The following PXDN variants were observed in gnomAD, a reference collection of about 807,000 sequenced individuals.
The protein encoded by PXDN is peroxidasin homolog.
Under a neutral mutation model 140.3 loss-of-function variants are expected in PXDN, and 77 were observed. That is an observed-to-expected ratio of 0.55 (90% CI 0.46 to 0.66). The LOEUF is 0.66. Ranked by LOEUF, PXDN falls within the 30% of genes least tolerant of loss-of-function variation. The probability of loss-of-function intolerance (pLI) is 0.00; values close to 1 mark genes in which losing one functional copy is unlikely to be tolerated. For missense variants in PXDN, 1,838 were observed against 2,039.5 expected (o/e 0.90, Z 1.90); for synonymous variants, 911 against 857.4 (o/e 1.06, Z -1.09).
At chr2:1,676,840 G>T in intron 8 of PXDN, 87 bp downstream of exon 8, 1 of 1,233,216 alleles carries the variant, frequency 8.1e-7, no homozygotes, top group Non-Finnish European at 1.2e-6. Context: ...GTGGACGTGG[G>T]CCTTGGTGGG....
At chr2:1,693,363 T>C (rs952739340) in intron 1 of PXDN, among the ~76,000 whole-genome samples, 2 of 152,190 alleles carry the variant, frequency 1.3e-5, no homozygotes, top group Non-Finnish European at 2.9e-5. Context: ...ACAGTAATTA[T>C]GGGGAGAAAA....
In PXDN at chr2:1,707,351, AAC is replaced by A. The variant is rs1684641489; in HGVS notation, c.201-14219_201-14218del. ...CATCACCTGCCCCACTAATAATACA[AAC>A]TGAGAGCACGCTGCAGTGCTCACCA... On this transcript the variant is annotated intron_variant, in intron 1 of 22. Transcript: ENST00000252804. Among the ~76,000 whole-genome samples, 13 of 31,630 alleles carry A rather than the reference AAC, an allele frequency of 4.1e-4. 4 individuals are homozygous for A. Among genetic ancestry groups the A allele is most frequent in the Non-Finnish European group, 8.8e-4 (13 of 14,810 alleles). 20.8% of individuals were successfully genotyped at this position (31,630 alleles called of 152,430 possible).
intron 1 of PXDN, among the ~76,000 whole-genome samples, chr2:1,737,870 CAA>C: frequency 6.6e-6 from 1 of 152,088 alleles, no homozygotes. Flanking sequence ...AACTTTAAAA[CAA>C]AGAAAACAAA....
In PXDN at chr2:1,649,222, T is replaced by G; in HGVS notation, c.2558A>C (p.Asn853Thr). The change falls in exon 17 of 23, where the codon AAC becomes ACC. Residue 853 changes from asparagine (N) to threonine (T), a missense_variant. Transcript: ENST00000252804. This position sits in a 1 kb window ranked among gnomAD's most constrained non-coding sequence, Gnocchi z 7.1. ...CATGACAGAGAAGCAGGGGGGGTCG[T>G]TGCTGCACACGTTGCTGCAGTGCTG... The part of the protein sequence containing the change: ...DGQHCSNVCS[N>T]DPPCFSVMIP... 1.2e-6 allele frequency: 2 copies of G among 1,610,980 alleles called. No homozygotes were observed. The highest frequency in any genetic ancestry group is 1.3e-5 in the African/African-American group (1 of 74,792).
chr2:1,649,047 G>C lies in PXDN; in HGVS notation c.2733C>G (p.Asp911Glu), dbSNP rs375325016. The change falls in exon 17 of 23, where the codon GAC (aspartate) becomes GAG (glutamate). Residue 911 changes from aspartate (D) to glutamate (E), a missense_variant. Coordinates refer to ENST00000252804, the MANE Select transcript of PXDN (RefSeq NM_012293.3). This position sits in a 1 kb window ranked among gnomAD's most constrained non-coding sequence, Gnocchi z 7.1. Reference sequence around the variant, plus strand: ...CCGTGCTCCCGTACACGTTGGATGCGTCTATGTAGGAGGTGAGCTGGTTGA... The same window carrying C: ...CCGTGCTCCCGTACACGTTGGATGCCTCTATGTAGGAGGTGAGCTGGTTGA... ...EQINQLTSYI[D>E]ASNVYGSTEH... 1.2e-6 allele frequency: 2 copies of C among 1,612,504 alleles called. No homozygotes were observed. The highest frequency in any genetic ancestry group is 1.7e-6 in the Non-Finnish European group (2 of 1,179,720).
intron 7 of PXDN, among the ~76,000 whole-genome samples, chr2:1,677,386 C>G (rs537428556): frequency 6.6e-6 from 1 of 152,302 alleles, no homozygotes; most frequent in Admixed American, 6.5e-5. Flanking sequence ...CGCCACGGGT[C>G]GCTATTTTCA....
At chr2:1,703,418 A>G (rs565277224) in intron 1 of PXDN, among the ~76,000 whole-genome samples, 14 of 33,404 alleles carry the variant, frequency 4.2e-4, no homozygotes, top group Admixed American at 9.3e-4. Flanking sequence ...CAGGTGAAGG[A>G]GGGACAACTC....
intron 6 of PXDN, among the ~76,000 whole-genome samples, chr2:1,681,918 CAGG>C (rs1450934199): frequency 6.6e-6 from 1 of 152,220 alleles, no homozygotes; most frequent in Non-Finnish European, 1.5e-5. Context: ...GAGGGCTATT[CAGG>C]AGGTCTAGAG....
chr2:1,731,511 G>A (rs1685314585), intron 1 of PXDN, among the ~76,000 whole-genome samples: 1 of 152,206 alleles, frequency 6.6e-6, no homozygotes, highest in African/African-American at 2.4e-5. Context: ...GGCCAGGGAT[G>A]GATGATGGTG....
At chr2:1,652,732 G>T (rs1260635656) in intron 16 of PXDN, among the ~76,000 whole-genome samples, 1 of 152,178 alleles carries the variant, frequency 6.6e-6, no homozygotes, top group Non-Finnish European at 1.5e-5. Flanking sequence ...CTGGCTCAGA[G>T]CAACACTCTA....
chr2:1,708,296 C>T (rs1165489931), intron 1 of PXDN, among the ~76,000 whole-genome samples: 1 of 152,182 alleles, frequency 6.6e-6, no homozygotes, highest in Non-Finnish European at 1.5e-5. Context: ...ACGCTTTAGC[C>T]GACAAAGCTC....
intron 9 of PXDN, 86 bp from the exon 10 acceptor site, chr2:1,666,572 T>C: frequency 2.1e-6 from 3 of 1,436,378 alleles, no homozygotes; most frequent in Non-Finnish European, 1.9e-6. Flanking sequence ...AGGCTATTAA[T>C]TCTATTTACC....
rs1031919553 is a variant in PXDN at position 1,687,322 on chromosome 2, G to T, written c.416+310C>A. Among the ~76,000 whole-genome samples, 1 of 152,174 alleles carries T rather than the reference G, an allele frequency of 6.6e-6. No individual in the cohort carries two copies. The highest frequency in any genetic ancestry group is 6.5e-5 in the Admixed American group (1 of 15,274). ...GGGCGCCTGCCTGTCTCTCCTCTAAGTTGTGACAGGGATTCCATCGATATT... is the reference window on the plus strand; with the variant it reads ...GGGCGCCTGCCTGTCTCTCCTCTAATTTGTGACAGGGATTCCATCGATATT... On this transcript the variant is annotated intron_variant, in intron 4 of 22. Coordinates refer to ENST00000252804, the MANE Select transcript of PXDN (RefSeq NM_012293.3). The surrounding 1 kb of genome is among the most constrained non-coding windows in gnomAD (Gnocchi z 4.0).
chr2:1,636,235 G>A (rs1380088126), intron 21 of PXDN: 1 of 153,674 alleles, frequency 6.5e-6, no homozygotes, highest in Non-Finnish European at 1.4e-5. Context: ...CCTTGCATTT[G>A]AACCTAAACT....
intron 16 of PXDN, among the ~76,000 whole-genome samples, chr2:1,650,071 C>T (rs1392669793): frequency 6.6e-6 from 1 of 152,160 alleles, no homozygotes; most frequent in African/African-American, 2.4e-5. Flanking sequence ...ACAGTCACCA[C>T]ACCTCCACAC....
At chr2:1,732,707 C>T (rs187867767) in intron 1 of PXDN, among the ~76,000 whole-genome samples, 64 of 152,250 alleles carry the variant, frequency 4.2e-4, no homozygotes, top group African/African-American at 1.4e-3. Context: ...CCAGTGCTCA[C>T]CAAAGTGAAA....
At chr2:1,698,233 T>C (rs1226439050) in intron 1 of PXDN, among the ~76,000 whole-genome samples, 1 of 152,168 alleles carries the variant, frequency 6.6e-6, no homozygotes, top group Non-Finnish European at 1.5e-5. Context: ...AAATATCCAT[T>C]GTGAACATCC....
chr2:1,643,577 C>G lies in PXDN; in HGVS notation c.3744-1G>C. The G allele has an allele frequency of 6.2e-7, 1 of 1,613,618 alleles. No individual in the cohort carries two copies. The highest frequency in any genetic ancestry group is 1.1e-5 in the South Asian group (1 of 91,082). ...CACCCCAGGGTTCTCATACCACAAC[C>G]TGGATCCCCCAAAATGAAAGCAGGA... On this transcript the variant is annotated splice_acceptor_variant, in intron 18 of 22. Transcript: ENST00000252804. LOFTEE classifies it high-confidence loss of function.
chr2:1,642,560 G>A (rs1490301619), intron 19 of PXDN, among the ~76,000 whole-genome samples: 2 of 152,214 alleles, frequency 1.3e-5, no homozygotes, highest in Non-Finnish European at 2.9e-5. Context: ...GGTGGGCCCT[G>A]CTTCTCTCAC....
Sources: allele counts gnomAD v4.1 joint callset (sites outside exome capture counted in the v4.1 genomes callset), GRCh38; gene constraint gnomAD v4.1.1; non-coding constraint Gnocchi (gnomAD v3.1); transcripts MANE v1.5; gene names NCBI Gene and HGNC (gene_info 2026-07-23, HGNC 2026-07-21).